LGR5: variants seen among roughly 807,000 people sequenced by gnomAD.
LGR5 encodes leucine rich repeat containing G protein-coupled receptor 5, also known as leucine-rich repeat-containing G protein-coupled receptor 5.
Under a neutral mutation model 76.7 loss-of-function variants are expected in LGR5, and 54 were observed. The observed-to-expected ratio is 0.70, with a 90% CI of 0.57 to 0.88. LGR5 has a LOEUF of 0.88. Ranked by LOEUF, LGR5 falls within the 40% of genes least tolerant of loss-of-function variation. LGR5 has a pLI of 0.00. For missense variants in LGR5, 1,078 were observed against 1,073.3 expected (o/e 1.00, Z -0.06); for synonymous variants, 406 against 421.9 (o/e 0.96, Z 0.46).
At chr12:71,574,412 C>T (rs1038179154) in intron 13 of LGR5, among the ~76,000 whole-genome samples, 3 of 151,112 alleles carry the variant, frequency 2.0e-5, no homozygotes, top group Admixed American at 2.0e-4. Flanking sequence ...TCCCCTGTGA[C>T]CTCACATTCA....
At chr12:71,480,857 G>A (rs574227185) in intron 1 of LGR5, among the ~76,000 whole-genome samples, 69 of 152,244 alleles carry the variant, frequency 4.5e-4, no homozygotes, top group African/African-American at 1.3e-3. Context: ...ACATTAGGGC[G>A]TTAAGGCCAC....
intron 1 of LGR5, among the ~76,000 whole-genome samples, chr12:71,473,076 A>G (rs1456070067): frequency 6.6e-6 from 1 of 152,234 alleles, no homozygotes; most frequent in Non-Finnish European, 1.5e-5. Context: ...TAATTCATAT[A>G]TGAACATAAT....
intron 1 of LGR5, among the ~76,000 whole-genome samples, chr12:71,456,423 C>A (rs1872478567): frequency 6.6e-6 from 1 of 152,110 alleles, no homozygotes; most frequent in South Asian, 2.1e-4. Flanking sequence ...CTAATTAACA[C>A]CTTCAGTCTC....
At chr12:71,514,780 C>T (rs540276573) in intron 2 of LGR5, among the ~76,000 whole-genome samples, 3 of 152,220 alleles carry the variant, frequency 2.0e-5, no homozygotes, top group South Asian at 4.1e-4. Flanking sequence ...AGAAAGAAAG[C>T]TTTTTGGCTG....
In LGR5 at chr12:71,553,135, T is replaced by C. The variant is rs775104587; in HGVS notation, c.491T>C (p.Leu164Pro). The C allele has an allele frequency of 6.2e-7, 1 of 1,614,094 alleles. No individual in the cohort carries two copies. Among genetic ancestry groups the C allele is most frequent in the Admixed American group, 1.7e-5 (1 of 60,004 alleles). The change falls in exon 5 of 18, where the codon CTG becomes CCG. Residue 164 changes from leucine (L) to proline (P), a missense_variant. Physicochemically the swap from Leu to Pro is moderately conservative, Grantham distance 98 (BLOSUM62 -3). Transcript: ENST00000266674. ...AGCTGTTTCAGTGGCCTGCATTCCC[T>C]GAGGCACCTGTGGCTGGATGACAAT... Reference protein sequence around the residue: ...PPSCFSGLHSLRHLWLDDNAL... With the variant: ...PPSCFSGLHSPRHLWLDDNAL...
intron 14 of LGR5, among the ~76,000 whole-genome samples, chr12:71,578,559 A>T (rs1280597): frequency 2.6e-4 from 39 of 152,026 alleles, no homozygotes; most frequent in Non-Finnish European, 3.8e-4. Context: ...CCCCACCTGA[A>T]AAAATGAAGC....
intron 17 of LGR5, among the ~76,000 whole-genome samples, chr12:71,582,963 A>AG (rs1879155095): frequency 7.0e-6 from 1 of 143,552 alleles, no homozygotes; most frequent in Non-Finnish European, 1.5e-5. Flanking sequence ...GAAGGAAGGA[A>AG]GAAAGGAAGG....
At chr12:71,511,471 C>A (rs1217389921) in intron 2 of LGR5, among the ~76,000 whole-genome samples, 4 of 152,080 alleles carry the variant, frequency 2.6e-5, no homozygotes, top group South Asian at 2.1e-4. Context: ...GCTTGAGGAC[C>A]ACTACTCTAG....
At chr12:71,449,048 G>C (rs1486468283) in intron 1 of LGR5, among the ~76,000 whole-genome samples, 1 of 152,216 alleles carries the variant, frequency 6.6e-6, no homozygotes, top group Admixed American at 6.5e-5. Context: ...GAGAGACTGT[G>C]AGTTACTGGA....
At chr12:71,535,456 C>G (rs1876537866) in intron 4 of LGR5, among the ~76,000 whole-genome samples, 1 of 152,032 alleles carries the variant, frequency 6.6e-6, no homozygotes, top group Admixed American at 6.5e-5. Flanking sequence ...TCCTACATTC[C>G]CTTGTAATAT....
intron 1 of LGR5, among the ~76,000 whole-genome samples, chr12:71,500,098 C>A (rs1481713965): frequency 6.6e-6 from 1 of 151,974 alleles, no homozygotes; most frequent in African/African-American, 2.4e-5. Context: ...CAGATATATT[C>A]TCCACTGTGT....
At chr12:71,538,384 C>T (rs117777095) in intron 4 of LGR5, among the ~76,000 whole-genome samples, 6,760 of 152,186 alleles carry the variant, frequency 0.044, 182 homozygotes, top group Non-Finnish European at 0.062. Context: ...GGCATGGTGG[C>T]CTGCGCCTAT....
intron 6 of LGR5, 79 bp downstream of exon 6, chr12:71,556,769 A>G (rs2137420376): frequency 2.6e-6 from 3 of 1,159,160 alleles, no homozygotes; most frequent in Middle Eastern, 1.9e-4. Flanking sequence ...CCTTAAAGCC[A>G]GACTTTGTTT....
At chr12:71,581,366 G>T (rs1879084709) in intron 16 of LGR5, among the ~76,000 whole-genome samples, 1 of 152,204 alleles carries the variant, frequency 6.6e-6, no homozygotes, top group Non-Finnish European at 1.5e-5. Context: ...CACACCTGTG[G>T]TAATGAGGAG....
chr12:71,574,728 C>T (rs969151393), intron 13 of LGR5, among the ~76,000 whole-genome samples: 9 of 152,180 alleles, frequency 5.9e-5, no homozygotes, highest in African/African-American at 1.2e-4. Flanking sequence ...CCCTGACACA[C>T]GAGCCAGTGT....
rs1392649572 is a variant in LGR5 at position 71,584,502 on chromosome 12, T to C, written c.2492T>C (p.Leu831Pro). The C allele has an allele frequency of 6.2e-7, 1 of 1,614,184 alleles. No homozygotes were observed. Among genetic ancestry groups the C allele is most frequent in the Non-Finnish European group, 8.5e-7 (1 of 1,180,032 alleles). ...TTCAATCCTCACTTTAAGGAGGATC[T>C]GGTGAGCCTGAGAAAGCAAACCTAC... ...ILFNPHFKED[L>P]VSLRKQTYVW... Residue 831 changes from leucine to proline, a missense_variant, in exon 18 of 18, where the codon CTG becomes CCG. Transcript: ENST00000266674.
chr12:71,549,898 G>A lies in LGR5; in HGVS notation c.429-3175G>A, dbSNP rs186414232. Among the ~76,000 whole-genome samples, 3 of 152,280 alleles carry A rather than the reference G, an allele frequency of 2.0e-5. No homozygotes were observed. In the East Asian group the frequency reaches 5.8e-4, roughly 29 times the overall value. On this transcript the variant is annotated intron_variant, in intron 4 of 17. Transcript: ENST00000266674. ...TCATTTCATTTCAGATAGCAAATTG[G>A]TATAAGATAATAGTGTGGAGGCCAG...
chr12:71,472,765 T>C (rs1873155016), intron 1 of LGR5, among the ~76,000 whole-genome samples: 1 of 152,238 alleles, frequency 6.6e-6, no homozygotes, highest in African/African-American at 2.4e-5. Flanking sequence ...ACACTGGCAT[T>C]GTAACACTAT....
chr12:71,470,533 C>T (rs964306351), intron 1 of LGR5, among the ~76,000 whole-genome samples: 1 of 152,014 alleles, frequency 6.6e-6, no homozygotes, highest in African/African-American at 2.4e-5. Context: ...TGTCTACATA[C>T]ACACATATAT....
Sources: allele counts gnomAD v4.1 joint callset (sites outside exome capture counted in the v4.1 genomes callset), GRCh38; gene constraint gnomAD v4.1.1; transcripts MANE v1.5; gene names NCBI Gene and HGNC (gene_info 2026-07-23, HGNC 2026-07-21).